EIF4E3: variants seen among roughly 807,000 people sequenced by gnomAD.
EIF4E3 encodes eukaryotic translation initiation factor 4E family member 3.
In EIF4E3, 26 loss-of-function variants were observed where a neutral mutation model predicts 31.7. The ratio of observed to expected loss-of-function variants is 0.82; its 90% confidence interval spans 0.60 to 1.14. The LOEUF (loss-of-function observed/expected upper bound fraction) is 1.14, where lower values mean the gene tolerates loss of function less well. Ranked by LOEUF, EIF4E3 falls within the 50% of genes most tolerant of loss-of-function variation. EIF4E3 has a pLI of 0.00. For missense variants in EIF4E3, 304 were observed against 270.9 expected, an observed-to-expected ratio of 1.12 and a Z score of -0.86; for synonymous variants, 128 against 107.7, an observed-to-expected ratio of 1.19 and a Z score of -1.17.
intron 1 of EIF4E3, 137 bp from the exon 2 acceptor site, chr3:71,710,621 G>C (rs1021303576): frequency 6.6e-6 from 5 of 758,814 alleles, no homozygotes; most frequent in African/African-American, 3.6e-5. Context: ...GGGGATGCTA[G>C]TTGGAATTTA....
intron 5 of EIF4E3, 48 bp from the exon 6 acceptor site, chr3:71,690,213 A>G: frequency 6.5e-7 from 1 of 1,530,496 alleles, no homozygotes; most frequent in Non-Finnish European, 8.8e-7. Flanking sequence ...CTTCCAAGTC[A>G]GTCTGACTGT....
intron 1 of EIF4E3, among the ~76,000 whole-genome samples, chr3:71,730,860 G>A (rs896256057): frequency 1.3e-5 from 2 of 152,026 alleles, no homozygotes; most frequent in African/African-American, 4.8e-5. Flanking sequence ...TTCCCCAGTA[G>A]CTACAAGCAC....
chr3:71,739,090 A>G (rs1214464731), intron 1 of EIF4E3, among the ~76,000 whole-genome samples: 1 of 150,094 alleles, frequency 6.7e-6, no homozygotes, highest in Non-Finnish European at 1.5e-5. Context: ...AAAGCATGTC[A>G]GATGCAGCTA....
the EIF4E3 span, among the ~76,000 whole-genome samples, chr3:71,668,373 G>A: frequency 6.6e-6 from 1 of 152,094 alleles, no homozygotes; most frequent in Non-Finnish European, 1.5e-5. Flanking sequence ...AACACCAAAA[G>A]CAATTGCAAT....
intron 1 of EIF4E3, among the ~76,000 whole-genome samples, chr3:71,744,813 A>G (rs2049855004): frequency 6.6e-6 from 1 of 152,236 alleles, no homozygotes; most frequent in Non-Finnish European, 1.5e-5. Flanking sequence ...ATACCACTTG[A>G]AAATGAAACA....
chr3:71,732,178 C>T (rs893097576), intron 1 of EIF4E3, among the ~76,000 whole-genome samples: 2 of 152,158 alleles, frequency 1.3e-5, no homozygotes, highest in Non-Finnish European at 2.9e-5. Context: ...TTGGTAAACA[C>T]ACCATATGTA....
chr3:71,684,566 A>T lies in EIF4E3; in HGVS notation c.*116T>A. ...TAATTGCCCATCTGCAAGGACAGAA[A>T]CCCACTCTAAATTGACCAGCATCGG... On this transcript the variant is annotated 3_prime_UTR_variant, in exon 7 of 7. Transcript: ENST00000425534. The T allele has an allele frequency of 6.3e-6, 8 of 1,272,534 alleles. No individual in the cohort carries two copies. The highest frequency in any genetic ancestry group is 8.9e-6 in the Non-Finnish European group (8 of 898,120). The allele number at this position is 1,272,534 out of a possible 1,614,324, so 78.8% of individuals were successfully genotyped here.
intron 1 of EIF4E3, among the ~76,000 whole-genome samples, chr3:71,751,153 A>C (rs2049925364): frequency 6.6e-6 from 1 of 152,090 alleles, no homozygotes; most frequent in African/African-American, 2.4e-5. Flanking sequence ...GGACGGCCTG[A>C]GCCTGGGAGG....
the EIF4E3 span, among the ~76,000 whole-genome samples, chr3:71,664,934 A>G: frequency 6.6e-6 from 1 of 152,208 alleles, no homozygotes; most frequent in African/African-American, 2.4e-5. Flanking sequence ...TGGAGCATGA[A>G]GATGACACAA....
intron 6 of EIF4E3, among the ~76,000 whole-genome samples, chr3:71,686,223 C>T (rs1387482977): frequency 6.6e-6 from 1 of 152,058 alleles, no homozygotes; most frequent in African/African-American, 2.4e-5. Context: ...CTCCTGAGCT[C>T]AAGCGATCCA....
intron 1 of EIF4E3, among the ~76,000 whole-genome samples, chr3:71,733,220 TC>T (rs551802950): frequency 1.8e-4 from 28 of 152,184 alleles, no homozygotes; most frequent in Non-Finnish European, 4.0e-4. Flanking sequence ...AAGGAGCGGG[TC>T]CTGGAGCACT....
At chr3:71,727,246 G>GT (rs1272715689), upstream of EIF4E3, among the ~76,000 whole-genome samples, 3 of 152,194 alleles carry the variant, frequency 2.0e-5, no homozygotes, top group Non-Finnish European at 4.4e-5. Flanking sequence ...ACTGGCAACA[G>GT]TTTCCTTCCA....
intron 1 of EIF4E3, among the ~76,000 whole-genome samples, chr3:71,743,099 T>A (rs1456930337): frequency 6.6e-6 from 1 of 152,170 alleles, no homozygotes; most frequent in African/African-American, 2.4e-5. Flanking sequence ...CCAATAAGGT[T>A]AGCTCCAGTC....
chr3:71,708,563 C>G (rs1303418305), intron 2 of EIF4E3, among the ~76,000 whole-genome samples: 2 of 151,992 alleles, frequency 1.3e-5, no homozygotes, highest in Non-Finnish European at 2.9e-5. Context: ...AGGGGCTCTA[C>G]CAAATACCCT....
Position 71,682,171 on chromosome 3 carries a change from T to A in EIF4E3, c.*2511A>T, listed in dbSNP as rs796220153. On this transcript the variant is annotated 3_prime_UTR_variant, in exon 7 of 7. Coordinates refer to ENST00000425534, the MANE Select transcript of EIF4E3 (RefSeq NM_001134651.2). ...AACAATTTAGGGAATAATGGGAGAA[T>A]AAAAAGCATATTAGTTTCAATCAGA... is the stretch of plus-strand genomic sequence containing the variant. 4 of 152,278 alleles carry A rather than the reference T, an allele frequency of 2.6e-5. No individual in the cohort carries two copies. The highest frequency in any genetic ancestry group is 9.6e-5 in the African/African-American group (4 of 41,548). The allele number at this position is 152,278 out of a possible 1,614,324, so 9.4% of individuals were successfully genotyped here.
At chr3:71,744,097 C>G (rs1336643204) in intron 1 of EIF4E3, among the ~76,000 whole-genome samples, 1 of 151,778 alleles carries the variant, frequency 6.6e-6, no homozygotes, top group Non-Finnish European at 1.5e-5. Context: ...AATTGATAAA[C>G]TGAACTTCAT....
At chr3:71,662,626 G>A in the EIF4E3 span, among the ~76,000 whole-genome samples, 10 of 152,178 alleles carry the variant, frequency 6.6e-5, no homozygotes, top group African/African-American at 2.4e-4. Context: ...AAGAAAGAAG[G>A]CATTTTAATT....
At chr3:71,664,180 T>C in the EIF4E3 span, among the ~76,000 whole-genome samples, 400 of 152,308 alleles carry the variant, frequency 2.6e-3, 5 homozygotes, top group Non-Finnish European at 1.6e-3. Flanking sequence ...TGGCTTCTTG[T>C]TTTATGTTAA....
upstream of EIF4E3, chr3:71,754,490 C>T (rs1467762978): frequency 7.0e-6 from 9 of 1,293,390 alleles, no homozygotes; most frequent in Non-Finnish European, 8.8e-6. This position sits in a 1 kb window ranked among gnomAD's most constrained non-coding sequence, Gnocchi z 5.8. Context: ...TGTGCGCCGC[C>T]TGGGCGCTGG....
Sources: allele counts gnomAD v4.1 joint callset (sites outside exome capture counted in the v4.1 genomes callset), GRCh38; gene constraint gnomAD v4.1.1; non-coding constraint Gnocchi (gnomAD v3.1); transcripts MANE v1.5; gene names NCBI Gene and HGNC (gene_info 2026-07-23, HGNC 2026-07-21).